The following CSMD1 variants were observed in gnomAD, a reference collection of about 807,000 sequenced individuals.
CSMD1 encodes the protein CUB and sushi domain-containing protein 1.
CSMD1 carries 213 observed loss-of-function variants against 417.5 expected under a neutral mutation model. The ratio of observed to expected loss-of-function variants is 0.51; its 90% CI spans 0.46 to 0.57. The LOEUF (loss-of-function observed/expected upper bound fraction) is 0.57, where lower values mean the gene tolerates loss of function less well. Ranked by LOEUF, CSMD1 falls within the 20% of genes least tolerant of loss-of-function variation. CSMD1 has a pLI of 0.00. For missense variants in CSMD1, 6,923 were observed against 4,529.7 expected (o/e 1.53, Z -15.17); for synonymous variants, 2,862 against 1,736.8 (o/e 1.65, Z -16.11).
intron 4 of CSMD1, among the ~76,000 whole-genome samples, chr8:4,028,915 A>G (rs1797202452): frequency 6.6e-6 from 1 of 152,212 alleles, no homozygotes; most frequent in African/African-American, 2.4e-5. Context: ...CTCTTTTCTA[A>G]AGTCATTGGA....
intron 21 of CSMD1, among the ~76,000 whole-genome samples, chr8:3,350,311 C>A (rs938671224): frequency 2.7e-5 from 4 of 149,918 alleles, no homozygotes; most frequent in Non-Finnish European, 4.4e-5. Flanking sequence ...CCTATAATAA[C>A]CTATAATAAC....
In CSMD1 at chr8:3,352,110, C is replaced by T. The variant is rs527756235; in HGVS notation, c.3305-3949G>A. ...AGTGCTTCATGAGTCCACTTGACACCGCAGCCGTGTTGGCATCTCCAAAGG... is the reference window on the plus strand; with the variant it reads ...AGTGCTTCATGAGTCCACTTGACACTGCAGCCGTGTTGGCATCTCCAAAGG... On this transcript the variant is annotated intron_variant, in intron 21 of 69. Transcript: ENST00000635120. Among the ~76,000 whole-genome samples, 19 of 152,172 alleles carry T rather than the reference C, an allele frequency of 1.2e-4. No individual in the cohort carries two copies. In the East Asian group the frequency reaches 1.4e-3, roughly 11 times the overall value.
chr8:3,028,263 A>G (rs990544358), intron 51 of CSMD1, among the ~76,000 whole-genome samples: 7 of 152,284 alleles, frequency 4.6e-5, no homozygotes, highest in South Asian at 2.1e-4. Flanking sequence ...ATCTCTCCTT[A>G]CCGGTGCTAA....
intron 3 of CSMD1, among the ~76,000 whole-genome samples, chr8:4,059,150 G>A (rs1016447636): frequency 3.3e-5 from 5 of 152,124 alleles, no homozygotes; most frequent in East Asian, 1.9e-4. Context: ...ACTCAGAACC[G>A]CTTAACTACA....
intron 1 of CSMD1, among the ~76,000 whole-genome samples, chr8:4,806,156 A>C (rs1421940629): frequency 6.6e-6 from 1 of 152,114 alleles, no homozygotes; most frequent in African/African-American, 2.4e-5. Flanking sequence ...GGAAGTGATA[A>C]CTCAATTGCA....
intron 3 of CSMD1, among the ~76,000 whole-genome samples, chr8:4,404,347 C>T (rs953542822): frequency 1.3e-5 from 2 of 152,118 alleles, no homozygotes; most frequent in African/African-American, 2.4e-5. Context: ...AATTAAGACC[C>T]ATGAGCGCAG....
chr8:3,624,390 T>G (rs917597028), intron 7 of CSMD1, among the ~76,000 whole-genome samples: 18 of 152,224 alleles, frequency 1.2e-4, no homozygotes, highest in Non-Finnish European at 2.5e-4. Context: ...CATTTTAAGT[T>G]AAACGTTGAT....
chr8:3,074,348 G>C (rs1413947841), intron 49 of CSMD1, among the ~76,000 whole-genome samples: 1 of 152,170 alleles, frequency 6.6e-6, no homozygotes, highest in East Asian at 1.9e-4. Context: ...AAGTGTGTCT[G>C]TGCCAACAAC....
In CSMD1 at chr8:3,219,342, T is replaced by C; in HGVS notation, c.4585A>G (p.Arg1529Gly). 3 of 1,579,154 alleles carry C rather than the reference T, an allele frequency of 1.9e-6. No individual in the cohort carries two copies. The highest frequency in any genetic ancestry group is 1.3e-5 in the African/African-American group (1 of 74,398). ...GSYQGSQAPE[R>G]IESSGNSLFL... is the part of the protein sequence containing the mutation. Reference sequence around the variant, plus strand: ...AGGCTGTTTCCGCTACTCTCTATTCTTTCTGGGGCCTGAGAGCCCTGGTAA... The same window carrying C: ...AGGCTGTTTCCGCTACTCTCTATTCCTTCTGGGGCCTGAGAGCCCTGGTAA... Residue 1529 changes from arginine to glycine, a missense_variant, in exon 29 of 70, where the codon AGA becomes GGA. By Grantham distance (125) the Arg-to-Gly change is moderately radical. Transcript: ENST00000635120.
chr8:4,487,188 A>C (rs1434641205), intron 2 of CSMD1, among the ~76,000 whole-genome samples: 3 of 152,088 alleles, frequency 2.0e-5, no homozygotes, highest in South Asian at 2.1e-4. Flanking sequence ...TATTATTATT[A>C]TACTTTAAGT....
In CSMD1 at chr8:3,980,710, T is replaced by G. The variant is rs916339384; in HGVS notation, c.818+17193A>C. Among the ~76,000 whole-genome samples, 5 of 152,290 alleles carry G rather than the reference T, an allele frequency of 3.3e-5. No homozygotes were observed. The East Asian group carries it at 9.6e-4, about 29-fold the overall frequency. On this transcript the variant is annotated intron_variant, in intron 5 of 69. Transcript: ENST00000635120. ...ATCTGGAGAATTTAAAAGAACGATG[T>G]GACAAGAAGTAAGAAGCCCCCACCC...
intron 3 of CSMD1, among the ~76,000 whole-genome samples, chr8:4,072,750 C>G (rs2552127): frequency 3.3e-5 from 5 of 152,168 alleles, no homozygotes; most frequent in Admixed American, 6.5e-5. Flanking sequence ...TTGCCTTACT[C>G]TCTGCAATTC....
At chr8:3,647,598 A>T (rs1258428007) in intron 7 of CSMD1, among the ~76,000 whole-genome samples, 1 of 152,206 alleles carries the variant, frequency 6.6e-6, no homozygotes, top group African/African-American at 2.4e-5. Context: ...GCATGTTGGA[A>T]CCACTGGCAA....
intron 11 of CSMD1, among the ~76,000 whole-genome samples, chr8:3,474,677 A>T (rs1418258122): frequency 6.6e-6 from 1 of 152,178 alleles, no homozygotes; most frequent in African/African-American, 2.4e-5. Flanking sequence ...TGGTTTTGGT[A>T]TACAGAGTTT....
At chr8:4,865,848 G>A (rs1245744609) in intron 1 of CSMD1, among the ~76,000 whole-genome samples, 2 of 151,492 alleles carry the variant, frequency 1.3e-5, no homozygotes, top group Non-Finnish European at 2.9e-5. Context: ...ATGCATTTTG[G>A]GACCTATTTT....
At chr8:4,604,960 G>A (rs535948648) in intron 2 of CSMD1, among the ~76,000 whole-genome samples, 1 of 152,130 alleles carries the variant, frequency 6.6e-6, no homozygotes, top group Admixed American at 6.5e-5. Context: ...TTGTTCTTGT[G>A]GGTCTATGCC....
intron 2 of CSMD1, among the ~76,000 whole-genome samples, chr8:4,564,762 C>T (rs947483167): frequency 2.0e-5 from 3 of 152,110 alleles, no homozygotes; most frequent in Admixed American, 6.6e-5. Context: ...TAATGACTGT[C>T]ATCAAAAAAG....
At chr8:3,873,103 T>A (rs905253247) in intron 5 of CSMD1, among the ~76,000 whole-genome samples, 1 of 152,136 alleles carries the variant, frequency 6.6e-6, no homozygotes, top group Non-Finnish European at 1.5e-5. Context: ...ACACTCTTGG[T>A]GGGAGTGTAA....
chr8:3,022,276 G>GAGCATCCGGAATGCACCGGCAATCCCAC lies in CSMD1; in HGVS notation c.7856-3627_7856-3626insGTGGGATTGCCGGTGCATTCCGGATGCT, dbSNP rs1809495609. Among the ~76,000 whole-genome samples, 2 of 30,494 alleles carry GAGCATCCGGAATGCACCGGCAATCCCAC rather than the reference G, an allele frequency of 6.6e-5. 1 individual carries two copies. The highest frequency in any genetic ancestry group is 3.6e-4 in the African/African-American group (2 of 5,562). The allele number at this position is 30,494 out of a possible 152,430, so 20.0% of individuals were successfully genotyped here. ...GAATGCACCCGCAATCCCACATCCA[G>GAGCATCCGGAATGCACCGGCAATCCCAC]AGCATCCGGAATGCACCCGCAATCC... On this transcript the variant is annotated intron_variant, in intron 51 of 69. Transcript: ENST00000635120.
Sources: allele counts gnomAD v4.1 joint callset (sites outside exome capture counted in the v4.1 genomes callset), GRCh38; gene constraint gnomAD v4.1.1; transcripts MANE v1.5; gene names NCBI Gene and HGNC (gene_info 2026-07-23, HGNC 2026-07-21).